The following CDK5RAP3 variants were observed in gnomAD, a reference collection of about 807,000 sequenced individuals.
CDK5RAP3 encodes CDK5 regulatory subunit-associated protein 3.
Under a neutral mutation model 73.3 loss-of-function variants are expected in CDK5RAP3, and 58 were observed. That is an observed-to-expected ratio of 0.79 (90% CI 0.64 to 0.98). The LOEUF is 0.98. CDK5RAP3 is among the 50% of genes least tolerant of loss of function. CDK5RAP3 has a pLI of 0.00. For missense variants in CDK5RAP3, 525 were observed against 615.8 expected (o/e 0.85, Z 1.56); for synonymous variants, 224 against 247.5 (o/e 0.91, Z 0.89).
intron 2 of CDK5RAP3, among the ~76,000 whole-genome samples, chr17:47,973,195 A>C (rs1256766247): frequency 6.6e-6 from 1 of 152,204 alleles, no homozygotes; most frequent in Non-Finnish European, 1.5e-5. Context: ...GAAAGATATA[A>C]TTACCCATAG....
chr17:47,978,622 C>T, intron 10 of CDK5RAP3: 1 of 561,216 alleles, frequency 1.8e-6, no homozygotes, highest in Non-Finnish European at 3.2e-6. Context: ...AGCTCTGGTC[C>T]TCCTCTCAGT....
Position 47,973,940 on chromosome 17 carries a change from A to G in CDK5RAP3, c.194A>G (p.Tyr65Cys), listed in dbSNP as rs774075288. Residue 65 changes from tyrosine (Y) to cysteine (C), a missense_variant, in exon 4 of 14, where the codon TAC becomes TGC. Physicochemically the swap from Tyr to Cys is radical, Grantham distance 194. Transcript: ENST00000338399. ...AQLLSGSYIH[Y>C]FHCLRILDLL... ...GTCTCTTGCTTTCTAGACATTCACTACTTTCACTGCCTAAGAATCCTGGAC... is the reference window on the plus strand; with the variant it reads ...GTCTCTTGCTTTCTAGACATTCACTGCTTTCACTGCCTAAGAATCCTGGAC... 1.9e-5 allele frequency: 30 copies of G among 1,612,540 alleles called. No homozygotes were observed. The highest frequency in any genetic ancestry group is 2.5e-5 in the Non-Finnish European group (30 of 1,178,650).
chr17:47,973,700 T>G, intron 3 of CDK5RAP3, 50 bp downstream of exon 3: 1 of 1,602,774 alleles, frequency 6.2e-7, no homozygotes, highest in Non-Finnish European at 8.5e-7. Context: ...TGAGGTAGTA[T>G]GTATCAGCTG....
rs1484177725 is a variant in CDK5RAP3 at position 47,975,500 on chromosome 17, T to C, written c.514-14T>C. The C allele has an allele frequency of 1.2e-6, 2 of 1,610,294 alleles. No homozygotes were observed. The highest frequency in any genetic ancestry group is 1.7e-6 in the Non-Finnish European group (2 of 1,180,000). Reference sequence around the variant, plus strand: ...CTTCAATCTGTTGGACTCCACCTCTTCTCCCCTCTCTAGGGCGAAAATGTC... The same window carrying C: ...CTTCAATCTGTTGGACTCCACCTCTCCTCCCCTCTCTAGGGCGAAAATGTC... On this transcript the variant is annotated splice_polypyrimidine_tract_variant and intron_variant, in intron 6 of 13. Coordinates refer to ENST00000338399, the MANE Select transcript of CDK5RAP3 (RefSeq NM_176096.3).
chr17:47,970,101 G>A (rs1415890667), upstream of CDK5RAP3, among the ~76,000 whole-genome samples: 2 of 152,082 alleles, frequency 1.3e-5, no homozygotes, highest in Non-Finnish European at 2.9e-5. Context: ...CTTGTCCCCA[G>A]TCTTATCTCC....
chr17:47,981,730 T>C lies in CDK5RAP3; in HGVS notation c.*228T>C. ...TCAGGCGAAAACCACAGATTCTCCT[T>C]CTAGTTAGTATAGCGGACTTAATAA... On this transcript the variant is annotated 3_prime_UTR_variant, in exon 14 of 14. Coordinates refer to ENST00000338399, the MANE Select transcript of CDK5RAP3 (RefSeq NM_176096.3). 6 of 1,523,616 alleles carry C rather than the reference T, an allele frequency of 3.9e-6. No homozygotes were observed. Among genetic ancestry groups the C allele is most frequent in the Non-Finnish European group, 5.3e-6 (6 of 1,138,958 alleles). The allele number at this position is 1,523,616 out of a possible 1,614,324, so 94.4% of individuals were successfully genotyped here. A position where few individuals can be genotyped will look rare whatever the true frequency, so the allele number is the denominator to read the frequency against.
intron 6 of CDK5RAP3, 46 bp from the exon 7 acceptor site, chr17:47,975,468 A>T: frequency 6.2e-7 from 1 of 1,609,430 alleles, no homozygotes; most frequent in Non-Finnish European, 8.5e-7. Flanking sequence ...CGGTCTTTGG[A>T]TGTTTTCTTC....
chr17:47,970,874 A>T, upstream of CDK5RAP3: 4 of 1,419,350 alleles, frequency 2.8e-6, no homozygotes, highest in Non-Finnish European at 2.8e-6. Context: ...GCTGCAGCGC[A>T]CCCCCTCCCG....
chr17:47,970,686 C>T, upstream of CDK5RAP3: 1 of 1,535,742 alleles, frequency 6.5e-7, no homozygotes, highest in East Asian at 2.4e-5. Context: ...GACCTGCACA[C>T]TGCTCTGGAT....
rs2036423223 is a variant in CDK5RAP3 at position 47,976,726 on chromosome 17, C to T, written c.813C>T (p.Asp271=). 2 of 1,611,822 alleles carry T rather than the reference C, an allele frequency of 1.2e-6. No individual in the cohort carries two copies. The highest frequency in any genetic ancestry group is 2.7e-5 in the African/African-American group (2 of 74,860). ...QVAEDAIDWG[D]FGVEAVSEGT... ...TCCCTTTCCAGATTGACTGGGGCGA[C>T]TTTGGGGTAGAGGCAGTGTCTGAGG... is the stretch of plus-strand genomic sequence containing the variant. The change falls in exon 9 of 14, where the codon GAC becomes GAT. Residue 271 remains aspartate, a synonymous_variant. Coordinates refer to ENST00000338399, the MANE Select transcript of CDK5RAP3 (RefSeq NM_176096.3).
intron 5 of CDK5RAP3, 197 bp from the exon 6 acceptor site, chr17:47,974,962 T>C (rs1358834224): frequency 2.8e-6 from 4 of 1,447,448 alleles, no homozygotes; most frequent in Non-Finnish European, 3.6e-6. Context: ...TCATGATAAA[T>C]GTTATTGTCG....
chr17:47,977,293 C>T (rs951036062), intron 9 of CDK5RAP3, among the ~76,000 whole-genome samples: 2 of 152,194 alleles, frequency 1.3e-5, no homozygotes, highest in Admixed American at 1.3e-4. Flanking sequence ...GGACTACAGG[C>T]GCCCGCCACC....
chr17:47,974,917 T>A, intron 5 of CDK5RAP3: 1 of 1,397,542 alleles, frequency 7.2e-7, no homozygotes, highest in East Asian at 2.8e-5. Context: ...CAAGGAATTG[T>A]GCTTGGTGTG....
In CDK5RAP3 at chr17:47,980,578, T is replaced by A; in HGVS notation, c.1078-15T>A. On this transcript the variant is annotated splice_polypyrimidine_tract_variant and intron_variant, in intron 11 of 13. Coordinates refer to ENST00000338399, the MANE Select transcript of CDK5RAP3 (RefSeq NM_176096.3). ...CATCATGTACAGCCTGAACCAATCT[T>A]TCTTCTGTCCTCAGCTTGAGATCTT... 1 of 1,611,516 alleles carries A rather than the reference T, an allele frequency of 6.2e-7. No individual in the cohort carries two copies. The highest frequency in any genetic ancestry group is 8.5e-7 in the Non-Finnish European group (1 of 1,179,278).
chr17:47,973,553 A>G lies in CDK5RAP3; in HGVS notation c.87A>G (p.Lys29=). The G allele has an allele frequency of 1.2e-6, 2 of 1,614,166 alleles. No individual in the cohort carries two copies. Among genetic ancestry groups the G allele is most frequent in the South Asian group, 2.2e-5 (2 of 91,088 alleles). ...TGGACAGAAGGCACTGCAGCCTGAAATGGCAGAGTCTGGTGCTGACGATCC... is the reference window on the plus strand; with the variant it reads ...TGGACAGAAGGCACTGCAGCCTGAAGTGGCAGAGTCTGGTGCTGACGATCC... ...WLVDRRHCSL[K]WQSLVLTIRE... The change falls in exon 3 of 14, where the codon AAA becomes AAG. Residue 29 remains lysine (K), a synonymous_variant. Transcript: ENST00000338399.
intron 9 of CDK5RAP3, 93 bp downstream of exon 9, chr17:47,976,915 C>A: frequency 1.4e-6 from 1 of 738,284 alleles, no homozygotes; most frequent in Non-Finnish European, 2.2e-6. Flanking sequence ...ACTTGAAGTT[C>A]ATAGCTCTAA....
chr17:47,979,629 C>T (rs2525088), intron 11 of CDK5RAP3: 101,599 of 152,390 alleles, frequency 0.67, 34,749 homozygotes, highest in East Asian at 0.77. Context: ...TGTTTAAGGA[C>T]GATCCCTGTG....
At chr17:47,977,967 G>T in intron 10 of CDK5RAP3, 57 bp downstream of exon 10, 1 of 1,361,678 alleles carries the variant, frequency 7.3e-7, no homozygotes, top group Non-Finnish European at 1.0e-6. Flanking sequence ...GGGCCCCCAC[G>T]TGTCTAGAAA....
intron 9 of CDK5RAP3, among the ~76,000 whole-genome samples, chr17:47,977,393 C>A (rs1270464981): frequency 1.3e-5 from 2 of 152,150 alleles, no homozygotes; most frequent in African/African-American, 2.4e-5. Context: ...CGTGATCCGC[C>A]CGCCTCAGCC....
Sources: allele counts gnomAD v4.1 joint callset (sites outside exome capture counted in the v4.1 genomes callset), GRCh38; gene constraint gnomAD v4.1.1; transcripts MANE v1.5; gene names NCBI Gene and HGNC (gene_info 2026-07-23, HGNC 2026-07-21).